The following KALRN variants were observed in gnomAD, a reference collection of about 807,000 sequenced individuals.
The protein encoded by KALRN is kalirin RhoGEF kinase, also known as kalirin.
Under a neutral mutation model 353.7 loss-of-function variants are expected in KALRN, and 70 were observed. That is an observed-to-expected ratio of 0.20 (90% CI 0.16 to 0.24). The LOEUF (loss-of-function observed/expected upper bound fraction) is 0.24, where lower values mean the gene tolerates loss of function less well. Among genes scored for constraint, KALRN ranks in the 10% least tolerant of loss-of-function variants. The pLI, the probability that KALRN is intolerant of heterozygous loss-of-function variation, is 1.00. For missense variants in KALRN, 2,791 were observed against 3,756.7 expected (o/e 0.74, Z 6.72); for synonymous variants, 1,391 against 1,434.8 (o/e 0.97, Z 0.69).
At chr3:124,592,502 T>C (rs1258717784) in intron 34 of KALRN, among the ~76,000 whole-genome samples, 1 of 152,186 alleles carries the variant, frequency 6.6e-6, no homozygotes, top group African/African-American at 2.4e-5. Context: ...GCCTTGACTT[T>C]GGTTAGCAAT....
At chr3:124,254,556 T>G (rs1030595328) in intron 3 of KALRN, among the ~76,000 whole-genome samples, 3 of 152,140 alleles carry the variant, frequency 2.0e-5, no homozygotes, top group African/African-American at 7.2e-5. Flanking sequence ...TCAGTTTTCT[T>G]AACGGTAGGG....
At chr3:124,684,031 A>G (rs1211415607) in intron 51 of KALRN, among the ~76,000 whole-genome samples, 1 of 152,194 alleles carries the variant, frequency 6.6e-6, no homozygotes, top group East Asian at 1.9e-4. Context: ...AAGTCCCTTC[A>G]CAATGTTATA....
rs1560415752 is a variant in KALRN at position 124,269,091 on chromosome 3, T to G, written c.805T>G (p.Cys269Gly). 1 of 1,612,796 alleles carries G rather than the reference T, an allele frequency of 6.2e-7. No homozygotes were observed. Among genetic ancestry groups the G allele is most frequent in the Non-Finnish European group, 8.5e-7 (1 of 1,179,602 alleles). ...RCSDGFSGRN[C>G]IPGSADFQSL... is the part of the protein sequence containing the mutation. Reference sequence around the variant, plus strand: ...CAGCGACGGCTTCTCAGGACGCAACTGCATCCCGGGCAGTGCTGACTTCCA... The same window carrying G: ...CAGCGACGGCTTCTCAGGACGCAACGGCATCCCGGGCAGTGCTGACTTCCA... The change falls in exon 5 of 60, where the codon TGC becomes GGC. Residue 269 changes from cysteine (C) to glycine (G), a missense_variant. Physicochemically the swap from Cys to Gly is radical, Grantham distance 159. This residue lies in a region of KALRN where 366 missense variants were observed against 489.2 expected (regional missense o/e 0.75). Coordinates refer to ENST00000682506, the MANE Select transcript of KALRN (RefSeq NM_001388419.1).
intron 29 of KALRN, among the ~76,000 whole-genome samples, chr3:124,489,610 C>G (rs911736048): frequency 3.3e-5 from 5 of 152,194 alleles, no homozygotes; most frequent in Admixed American, 2.6e-4. Flanking sequence ...CCTTTCCTCT[C>G]TGTTTGTACC....
At chr3:124,101,753 A>G (rs1322767721) in intron 1 of KALRN, among the ~76,000 whole-genome samples, 1 of 151,872 alleles carries the variant, frequency 6.6e-6, no homozygotes, top group African/African-American at 2.4e-5. Flanking sequence ...TTGCTCTGTC[A>G]TTGGCTTGCC....
intron 1 of KALRN, among the ~76,000 whole-genome samples, chr3:124,175,773 G>A (rs2072641063): frequency 6.6e-6 from 1 of 152,234 alleles, no homozygotes; most frequent in Non-Finnish European, 1.5e-5. Flanking sequence ...CAGCACAGAC[G>A]TGGTTGCCTT....
chr3:124,447,559 A>T (rs2093880665), intron 21 of KALRN, among the ~76,000 whole-genome samples: 1 of 152,188 alleles, frequency 6.6e-6, no homozygotes, highest in Admixed American at 6.5e-5. Flanking sequence ...TCCTCTTTGT[A>T]ACGTCCTCAT....
At chr3:124,181,515 G>A (rs1290455909) in intron 1 of KALRN, among the ~76,000 whole-genome samples, 1 of 152,120 alleles carries the variant, frequency 6.6e-6, no homozygotes, top group Non-Finnish European at 1.5e-5. Flanking sequence ...GCTGGCTTTG[G>A]TTCATTATTA....
At chr3:124,364,860 G>A (rs78450368) in intron 10 of KALRN, among the ~76,000 whole-genome samples, 8,137 of 152,250 alleles carry the variant, frequency 0.053, 696 homozygotes, top group African/African-American at 0.18. Context: ...AGAGCTGTTA[G>A]ACACTTCTGC....
At chr3:124,487,315 G>C (rs2108348920) in intron 28 of KALRN, among the ~76,000 whole-genome samples, 1 of 152,244 alleles carries the variant, frequency 6.6e-6, no homozygotes, top group East Asian at 1.9e-4. Context: ...TCTTTTATGG[G>C]GATGGTGATG....
chr3:124,078,169 T>C (rs1405923173), intron 1 of KALRN, among the ~76,000 whole-genome samples: 2 of 152,224 alleles, frequency 1.3e-5, no homozygotes, highest in African/African-American at 4.8e-5. Flanking sequence ...TTCATCTTTT[T>C]GTGGTGCTCC....
chr3:124,619,393 T>C (rs1329958555), intron 34 of KALRN, among the ~76,000 whole-genome samples: 1 of 152,116 alleles, frequency 6.6e-6, no homozygotes, highest in Non-Finnish European at 1.5e-5. Flanking sequence ...GGTTCAGATA[T>C]CTCTATGAGG....
intron 5 of KALRN, among the ~76,000 whole-genome samples, chr3:124,283,624 C>T (rs1450817498): frequency 6.6e-6 from 1 of 152,088 alleles, no homozygotes; most frequent in Non-Finnish European, 1.5e-5. Context: ...TAAAGTGCAT[C>T]CAGGCTCATA....
chr3:124,417,282 CTTCTGTCTACTGTGG>C (rs1042867315), intron 14 of KALRN, among the ~76,000 whole-genome samples: 4 of 152,182 alleles, frequency 2.6e-5, no homozygotes, highest in Non-Finnish European at 5.9e-5. Flanking sequence ...TTAGTTTCTT[CTTCTGTCTACTGTGG>C]CACGCCTTGA....
At chr3:124,434,123 G>A (rs752120009) in intron 16 of KALRN, among the ~76,000 whole-genome samples, 184 bp from the exon 17 acceptor site, 1 of 152,312 alleles carries the variant, frequency 6.6e-6, no homozygotes, top group Non-Finnish European at 1.5e-5. Flanking sequence ...TAATAAAAAT[G>A]TATGATATTC....
intron 6 of KALRN, among the ~76,000 whole-genome samples, chr3:124,315,999 A>C (rs970979344): frequency 6.6e-6 from 1 of 152,172 alleles, no homozygotes; most frequent in Non-Finnish European, 1.5e-5. Flanking sequence ...AGACGTTTGC[A>C]AGTCAGGAAA....
chr3:124,373,184 G>A, intron 10 of KALRN, among the ~76,000 whole-genome samples: 1 of 151,964 alleles, frequency 6.6e-6, no homozygotes, highest in East Asian at 1.9e-4. Flanking sequence ...GAAAAATACT[G>A]TAAACTGGGA....
chr3:124,326,846 G>C (rs2079967280), intron 7 of KALRN, among the ~76,000 whole-genome samples: 1 of 152,102 alleles, frequency 6.6e-6, no homozygotes, highest in African/African-American at 2.4e-5. Context: ...AATTATGTAG[G>C]TTTATAATTA....
At chr3:124,270,833 T>TC (rs2074079067) in intron 5 of KALRN, among the ~76,000 whole-genome samples, 1 of 147,560 alleles carries the variant, frequency 6.8e-6, no homozygotes, top group African/African-American at 2.5e-5. Flanking sequence ...TGTTTTTTTT[T>TC]TTTTTTTTTT....
Sources: allele counts gnomAD v4.1 joint callset (sites outside exome capture counted in the v4.1 genomes callset), GRCh38; gene constraint gnomAD v4.1.1; regional missense constraint gnomAD v4.1.1; transcripts MANE v1.5; gene names NCBI Gene and HGNC (gene_info 2026-07-23, HGNC 2026-07-21).